DMD: variants seen among roughly 807,000 people sequenced by gnomAD.
DMD encodes mutant dystrophin.
Under a neutral mutation model 330.1 loss-of-function variants are expected in DMD, and 63 were observed. That is an observed-to-expected ratio of 0.19 (90% CI 0.16 to 0.24). The LOEUF (loss-of-function observed/expected upper bound fraction) is 0.24, where lower values mean the gene tolerates loss of function less well. Ranked by LOEUF, DMD falls within the 10% of genes least tolerant of loss-of-function variation. DMD has a pLI of 1.00. For missense variants in DMD, 3,344 were observed against 2,684.1 expected, an observed-to-expected ratio of 1.25 and a Z score of -5.43; for synonymous variants, 1,223 against 959.8, an observed-to-expected ratio of 1.27 and a Z score of -5.07.
intron 52 of DMD, among the ~76,000 whole-genome samples, chrX:31,699,446 T>C (rs979561676): frequency 8.9e-6 from 1 of 112,044 alleles, no homozygotes; most frequent in African/African-American, 3.2e-5. Context: ...AATCTTATGG[T>C]CATATATTCA....
chrX:33,022,463 T>G (rs1242654231), intron 1 of DMD, among the ~76,000 whole-genome samples: 1 of 110,862 alleles, frequency 9.0e-6, no homozygotes, highest in Non-Finnish European at 1.9e-5. Context: ...CTCTCACCTC[T>G]ACGTCTTTAA....
intron 44 of DMD, among the ~76,000 whole-genome samples, chrX:32,171,670 AAAGT>A (rs1175418566): frequency 4.3e-4 from 48 of 111,653 alleles, no homozygotes; most frequent in African/African-American, 1.4e-3. Context: ...AAAAATAAAG[AAAGT>A]ATGTGAAGAT....
At chrX:32,825,441 C>G (rs1248729314) in intron 4 of DMD, among the ~76,000 whole-genome samples, 2 of 111,307 alleles carry the variant, frequency 1.8e-5, no homozygotes, top group African/African-American at 6.5e-5. Context: ...AGGTACTACC[C>G]CCCCAGTGTC....
intron 1 of DMD, among the ~76,000 whole-genome samples, chrX:33,210,092 C>T (rs2051811118): frequency 9.1e-6 from 1 of 110,226 alleles, no homozygotes; most frequent in Admixed American, 9.7e-5. Context: ...ATAATGATGT[C>T]CACCAAAAGA....
chrX:31,820,469 C>G (rs953030000), intron 49 of DMD, among the ~76,000 whole-genome samples: 3 of 111,950 alleles, frequency 2.7e-5, no homozygotes, highest in African/African-American at 9.7e-5. Flanking sequence ...CTGGCTCACC[C>G]CCAGTCAATT....
At chrX:31,893,290 A>G (rs925196759) in intron 47 of DMD, among the ~76,000 whole-genome samples, 1 of 111,403 alleles carries the variant, frequency 9.0e-6, no homozygotes, top group African/African-American at 3.3e-5. Flanking sequence ...TCCTAGACTC[A>G]TTGAAAAGAA....
At chrX:31,714,570 T>G (rs967061127) in intron 52 of DMD, among the ~76,000 whole-genome samples, 1 of 111,622 alleles carries the variant, frequency 9.0e-6, no homozygotes, top group Non-Finnish European at 1.9e-5. Flanking sequence ...ACTAGACAAC[T>G]GTATACATAT....
At chrX:31,552,831 TA>T (rs2074571855) in intron 55 of DMD, among the ~76,000 whole-genome samples, 1 of 112,118 alleles carries the variant, frequency 8.9e-6, no homozygotes, top group Admixed American at 9.5e-5. Context: ...ATGGAGATGA[TA>T]ATACCACCTT....
intron 55 of DMD, among the ~76,000 whole-genome samples, chrX:31,551,472 C>T (rs2074483708): frequency 9.0e-6 from 1 of 111,523 alleles, no homozygotes; most frequent in Non-Finnish European, 1.9e-5. Context: ...TTTGATATTA[C>T]CCTCAATATG....
chrX:31,222,064 T>C (rs770935775), intron 64 of DMD, among the ~76,000 whole-genome samples: 1 of 110,343 alleles, frequency 9.1e-6, no homozygotes, highest in South Asian at 3.9e-4. Flanking sequence ...GGCGTGGTGG[T>C]GGGTGCCTGT....
At chrX:31,856,993 C>T in intron 48 of DMD, among the ~76,000 whole-genome samples, 1 of 111,784 alleles carries the variant, frequency 8.9e-6, no homozygotes, top group Non-Finnish European at 1.9e-5. Flanking sequence ...TTTCATGTTT[C>T]AGTAAGGAGA....
chrX:32,885,830 A>AG (rs2084487181), intron 2 of DMD, among the ~76,000 whole-genome samples: 1 of 104,576 alleles, frequency 9.6e-6, no homozygotes, highest in Admixed American at 1.0e-4. Flanking sequence ...TGAGGGGGAA[A>AG]AAAAAAAAAA....
chrX:32,411,600 T>A (rs1468339090), intron 30 of DMD, 152 bp downstream of exon 30: 1 of 595,817 alleles, frequency 1.7e-6, no homozygotes, highest in Non-Finnish European at 2.7e-6. Context: ...CTAGACCCCC[T>A]TTTCTTCCTA....
In DMD at chrX:32,652,243, G is replaced by A. The variant is rs192790189; in HGVS notation, c.961-7091C>T. On this transcript the variant is annotated intron_variant, in intron 9 of 78. Coordinates refer to ENST00000357033, the MANE Select transcript of DMD (RefSeq NM_004006.3). ...GATGGTGTGCTACACCCATTAACTC[G>A]TCATTTAACATCAGGTATATCTCCT... 5.1e-3 allele frequency among the ~76,000 whole-genome samples: 548 copies of A among 107,756 alleles called. 6 individuals carry two copies. Among genetic ancestry groups the A allele is most frequent in the African/African-American group, 0.017 (515 of 29,542 alleles). 93.6% of individuals were successfully genotyped at this position (107,756 alleles called of 115,157 possible). A position where few individuals can be genotyped will look rare whatever the true frequency, so the allele number is the denominator to read the frequency against.
intron 60 of DMD, among the ~76,000 whole-genome samples, chrX:31,355,870 T>TAA (rs1303200886): frequency 1.0e-5 from 1 of 97,524 alleles, no homozygotes; most frequent in African/African-American, 3.8e-5. Flanking sequence ...GAAAAAATAA[T>TAA]AAAAAAAAAA....
chrX:32,044,578 T>C lies in DMD; in HGVS notation c.6439-76064A>G, dbSNP rs187022049. Among the ~76,000 whole-genome samples the C allele has an allele frequency of 8.1e-3, 890 of 110,268 alleles. 5 individuals are homozygous for C. The highest frequency in any genetic ancestry group is 0.011 in the Non-Finnish European group (602 of 52,724). ...CTGAGACTACAGGTGCCTGCCACCA[T>C]GCCCAGCTAATTTTTTTGTATTTTT... is the stretch of plus-strand genomic sequence containing the variant. On this transcript the variant is annotated intron_variant, in intron 44 of 78. Coordinates refer to ENST00000357033, the MANE Select transcript of DMD (RefSeq NM_004006.3).
chrX:32,733,463 C>T (rs1373091501), intron 7 of DMD, among the ~76,000 whole-genome samples: 4 of 110,728 alleles, frequency 3.6e-5, no homozygotes, highest in East Asian at 5.6e-4. Context: ...AATATACATT[C>T]TTTTCAGCAC....
chrX:32,693,465 G>A (rs896872227), intron 9 of DMD, among the ~76,000 whole-genome samples: 11 of 111,653 alleles, frequency 9.9e-5, no homozygotes, highest in Admixed American at 8.6e-4. Context: ...TTTTGAGACC[G>A]AGTCTTGCCC....
At chrX:31,710,303 G>A (rs2084534548) in intron 52 of DMD, among the ~76,000 whole-genome samples, 1 of 111,627 alleles carries the variant, frequency 9.0e-6, no homozygotes. Context: ...GGAGAGTGAA[G>A]GTAAAGCTGT....
Sources: gnomAD v4.1 joint callset for allele counts (sites outside exome capture counted in the v4.1 genomes callset) on GRCh38, gnomAD v4.1.1 for gene constraint, MANE v1.5 for transcripts, NCBI Gene and HGNC (gene_info 2026-07-23, HGNC 2026-07-21) for gene names.